The following EBF2 variants were observed in gnomAD, a reference collection of about 807,000 sequenced individuals.
EBF2 encodes EBF transcription factor 2.
EBF2 carries 21 observed loss-of-function variants against 72.8 expected under a neutral mutation model. The observed-to-expected ratio is 0.29, with a 90% CI of 0.20 to 0.42. The LOEUF (loss-of-function observed/expected upper bound fraction) is 0.42, where lower values mean the gene tolerates loss of function less well. Ranked by LOEUF, EBF2 falls within the 10% of genes least tolerant of loss-of-function variation. The pLI is 1.00. For missense variants in EBF2, 637 were observed against 731.2 expected (o/e 0.87, Z 1.49); for synonymous variants, 299 against 274.2 (o/e 1.09, Z -0.89).
At chr8:25,906,576 G>A (rs548342609) in intron 7 of EBF2, among the ~76,000 whole-genome samples, 35 of 152,184 alleles carry the variant, frequency 2.3e-4, no homozygotes, top group African/African-American at 8.0e-4. Context: ...AGACCAGCCT[G>A]GCCAACATGT....
intron 10 of EBF2, among the ~76,000 whole-genome samples, chr8:25,865,857 C>T (rs1277237644): frequency 6.6e-6 from 1 of 151,840 alleles, no homozygotes; most frequent in Non-Finnish European, 1.5e-5. Flanking sequence ...AACCCCATCT[C>T]TACTGAAAAT....
chr8:25,849,137 T>C (rs549408154), intron 15 of EBF2, among the ~76,000 whole-genome samples: 1 of 152,320 alleles, frequency 6.6e-6, no homozygotes, highest in East Asian at 1.9e-4. Flanking sequence ...TTCCAGATGT[T>C]TCCAACTACC....
intron 14 of EBF2, among the ~76,000 whole-genome samples, chr8:25,851,267 C>T (rs1801964887): frequency 1.3e-5 from 2 of 152,130 alleles, no homozygotes; most frequent in Non-Finnish European, 2.9e-5. Context: ...CTGAGAGTGC[C>T]ATCTCTATGG....
intron 13 of EBF2, among the ~76,000 whole-genome samples, chr8:25,860,665 C>T (rs1303814940): frequency 6.6e-6 from 1 of 151,262 alleles, no homozygotes; most frequent in Non-Finnish European, 1.5e-5. Context: ...GTAGTTGGGA[C>T]TACATCTGCC....
chr8:25,874,922 G>A (rs1294372334), intron 10 of EBF2, among the ~76,000 whole-genome samples: 1 of 141,352 alleles, frequency 7.1e-6, no homozygotes, highest in Non-Finnish European at 1.5e-5. Flanking sequence ...CTGGCCTCAA[G>A]TGATCCTCTG....
intron 6 of EBF2, among the ~76,000 whole-genome samples, chr8:25,980,134 C>G (rs1197207393): frequency 1.3e-5 from 2 of 152,184 alleles, no homozygotes; most frequent in African/African-American, 4.8e-5. Context: ...GCTACCCCCT[C>G]AGACCACCAA....
At chr8:25,951,357 G>C (rs1803858594) in intron 6 of EBF2, among the ~76,000 whole-genome samples, 1 of 152,126 alleles carries the variant, frequency 6.6e-6, no homozygotes, top group Admixed American at 6.5e-5. Flanking sequence ...TTACCAGCTG[G>C]GAGAGCAAAA....
chr8:25,959,604 GT>G (rs1260098945), intron 6 of EBF2, among the ~76,000 whole-genome samples: 1 of 152,178 alleles, frequency 6.6e-6, no homozygotes, highest in African/African-American at 2.4e-5. Flanking sequence ...TTTGGGGGAG[GT>G]TTTGATTTGG....
At position 25,977,004 on chromosome 8, in the gene EBF2, A is replaced by T. The variant is rs139969597; in HGVS notation, c.551+56081T>A. ...CAGCTGTAAGTGATTCCAGATGTGC[A>T]GCAGTGACAAGCTTCAGTCTCAGGG... On this transcript the variant is annotated intron_variant, in intron 6 of 15. Transcript: ENST00000520164. 4.3e-3 allele frequency among the ~76,000 whole-genome samples: 653 copies of T among 152,348 alleles called. 8 individuals carry two copies. The highest frequency in any genetic ancestry group is 0.015 in the African/African-American group (628 of 41,580).
intron 4 of EBF2, 63 bp downstream of exon 4, chr8:26,040,553 C>T: frequency 6.7e-7 from 1 of 1,499,840 alleles, no homozygotes; most frequent in Non-Finnish European, 9.0e-7. Context: ...CAGAAACAAA[C>T]TGGGGGGTTT....
At chr8:26,001,938 A>C (rs974017561) in intron 6 of EBF2, among the ~76,000 whole-genome samples, 1 of 152,186 alleles carries the variant, frequency 6.6e-6, no homozygotes, top group African/African-American at 2.4e-5. Flanking sequence ...CTGCTCACAT[A>C]GGAACTCCAG....
chr8:25,970,904 C>G (rs1804180034), intron 6 of EBF2, among the ~76,000 whole-genome samples: 1 of 152,202 alleles, frequency 6.6e-6, no homozygotes, highest in African/African-American at 2.4e-5. Flanking sequence ...GCGATCACAG[C>G]TCACTGCAGC....
In EBF2 at chr8:25,866,305, G is replaced by T. The variant is rs867411016; in HGVS notation, c.1010-3508C>A. On this transcript the variant is annotated intron_variant, in intron 10 of 15. Transcript: ENST00000520164. ...ATGACATATTATACCACCAAATATG[G>T]TGTTGGCTATTTGAGATAGATATTA... Among the ~76,000 whole-genome samples the T allele has an allele frequency of 4.7e-3, 707 of 151,304 alleles. 8 individuals are homozygous for T. Among genetic ancestry groups the T allele is most frequent in the African/African-American group, 0.016 (647 of 41,314 alleles).
In EBF2 at chr8:25,844,689, T is replaced by C. The variant is rs900260407; in HGVS notation, c.1697-49A>G. 4 of 1,610,246 alleles carry C rather than the reference T, an allele frequency of 2.5e-6. No homozygotes were observed. The African/African-American group carries it at 4.0e-5, about 16-fold the overall frequency. On this transcript the variant is annotated intron_variant, in intron 15 of 15. Transcript: ENST00000520164. The stretch of plus-strand genomic sequence containing the variant: ...AATGAGACTTGGGGACTTTTTATGT[T>C]CAAGGCTATGACACAGAATGAGGGG...
chr8:25,866,739 C>A (rs183084210), intron 10 of EBF2, among the ~76,000 whole-genome samples: 413 of 149,316 alleles, frequency 2.8e-3, no homozygotes, highest in Middle Eastern at 7.1e-3. Flanking sequence ...TCAAGCGATT[C>A]TCCTGTCTCA....
rs192238975 is a variant in EBF2 at position 25,900,998 on chromosome 8, G to C, written c.633+7476C>G. 6.6e-5 allele frequency among the ~76,000 whole-genome samples: 10 copies of C among 152,160 alleles called. No homozygotes were observed. In the East Asian group the frequency reaches 1.9e-3, roughly 29 times the overall value. ...TGCAATATTCCCAACGTAGAGAAATGATCAATTCTCATGATGATGGATGAC... is the reference window on the plus strand; with the variant it reads ...TGCAATATTCCCAACGTAGAGAAATCATCAATTCTCATGATGATGGATGAC... On this transcript the variant is annotated intron_variant, in intron 7 of 15. Transcript: ENST00000520164.
At chr8:25,871,108 T>C (rs990176746) in intron 10 of EBF2, among the ~76,000 whole-genome samples, 6 of 152,194 alleles carry the variant, frequency 3.9e-5, no homozygotes, top group Admixed American at 1.3e-4. Flanking sequence ...ACTTCCCAAC[T>C]GACCAGTTGC....
intron 6 of EBF2, among the ~76,000 whole-genome samples, chr8:26,026,897 T>A (rs773175175): frequency 2.0e-5 from 3 of 152,230 alleles, no homozygotes; most frequent in Non-Finnish European, 2.9e-5. Flanking sequence ...TTGAGACTTT[T>A]ATCAACCATT....
chr8:26,019,817 T>C (rs1303962312), intron 6 of EBF2, among the ~76,000 whole-genome samples: 1 of 152,208 alleles, frequency 6.6e-6, no homozygotes, highest in Non-Finnish European at 1.5e-5. Context: ...GAACTTACAC[T>C]GCAACTTGGA....
Sources: gnomAD v4.1 joint callset for allele counts (sites outside exome capture counted in the v4.1 genomes callset) on GRCh38, gnomAD v4.1.1 for gene constraint, MANE v1.5 for transcripts, NCBI Gene and HGNC (gene_info 2026-07-23, HGNC 2026-07-21) for gene names.